The following SAMMSON variants were observed in gnomAD, a reference collection of about 807,000 sequenced individuals.
The protein encoded by SAMMSON is long intergenic non-protein coding RNA 1212.
intron 4 of SAMMSON, among the ~76,000 whole-genome samples, chr3:70,124,814 C>CAAAAAAAAAAAAAAAA (rs1208323683): frequency 1.7e-4 from 9 of 53,692 alleles, no homozygotes; most frequent in East Asian, 9.5e-4. Flanking sequence ...GACTCCATCT[C>CAAAAAAAAAAAAAAAA]AAAAAAAAAA....
chr3:70,078,364 A>G (rs1167724957), intron 4 of SAMMSON, among the ~76,000 whole-genome samples: 1 of 152,144 alleles, frequency 6.6e-6, no homozygotes, highest in Non-Finnish European at 1.5e-5. Context: ...AGGTGCATGC[A>G]GGTGCCGTTT....
chr3:70,256,296 G>C (rs745942928), intron 6 of SAMMSON, among the ~76,000 whole-genome samples: 1 of 152,188 alleles, frequency 6.6e-6, no homozygotes, highest in East Asian at 1.9e-4. Context: ...GTCAGACAGA[G>C]AGAAATGTAC....
At chr3:70,179,542 A>G (rs186576663) in intron 4 of SAMMSON, among the ~76,000 whole-genome samples, 8 of 152,274 alleles carry the variant, frequency 5.3e-5, no homozygotes, top group Admixed American at 3.9e-4. Context: ...CCCCTAATAG[A>G]GTTCAAGATC....
chr3:70,383,307 G>T (rs1465362076), intron 9 of SAMMSON, among the ~76,000 whole-genome samples: 1 of 149,668 alleles, frequency 6.7e-6, no homozygotes. Flanking sequence ...GGTTAAAAGT[G>T]TAGGTATATT....
intron 7 of SAMMSON, among the ~76,000 whole-genome samples, chr3:70,352,122 A>C (rs1292417719): frequency 6.6e-6 from 1 of 152,044 alleles, no homozygotes; most frequent in Non-Finnish European, 1.5e-5. Flanking sequence ...AAAAAAAAAA[A>C]AAAATGATGA....
intron 4 of SAMMSON, among the ~76,000 whole-genome samples, chr3:70,196,018 T>C (rs1303151035): frequency 1.3e-5 from 2 of 152,196 alleles, no homozygotes; most frequent in African/African-American, 4.8e-5. Flanking sequence ...GCTGAATAAG[T>C]ACCCTCAACG....
At chr3:70,402,033 G>A (rs1399784890) in intron 2 of SAMMSON, among the ~76,000 whole-genome samples, 1 of 152,130 alleles carries the variant, frequency 6.6e-6, no homozygotes, top group African/African-American at 2.4e-5. Context: ...TTAAAAGTGT[G>A]ACCCTGTATG....
chr3:70,085,452 A>G (rs1017408265), intron 4 of SAMMSON, among the ~76,000 whole-genome samples: 4 of 152,138 alleles, frequency 2.6e-5, no homozygotes, highest in African/African-American at 7.2e-5. Flanking sequence ...GTAAGTTTTA[A>G]GACACCCTTC....
At chr3:70,037,272 CAA>C (rs2067088764) in intron 3 of SAMMSON, among the ~76,000 whole-genome samples, 1 of 151,960 alleles carries the variant, frequency 6.6e-6, no homozygotes, top group Non-Finnish European at 1.5e-5. Context: ...CCTCTGGCTT[CAA>C]CAATTAGCCT....
chr3:70,094,059 C>G (rs931577673), intron 4 of SAMMSON, among the ~76,000 whole-genome samples: 1 of 152,178 alleles, frequency 6.6e-6, no homozygotes, highest in Non-Finnish European at 1.5e-5. Context: ...AAAACGGGAA[C>G]CATCAGCCTG....
intron 3 of SAMMSON, among the ~76,000 whole-genome samples, chr3:70,046,548 T>C (rs1039942425): frequency 2.0e-5 from 3 of 152,156 alleles, no homozygotes; most frequent in African/African-American, 7.2e-5. Flanking sequence ...TACAAATTAA[T>C]ACTTACCTTG....
intron 7 of SAMMSON, among the ~76,000 whole-genome samples, chr3:70,328,345 A>ATT (rs1416275792): frequency 6.6e-6 from 1 of 152,178 alleles, no homozygotes; most frequent in African/African-American, 2.4e-5. Flanking sequence ...AAAATCAATC[A>ATT]TTAGAAATAT....
chr3:70,331,446 G>C (rs909554697), intron 7 of SAMMSON, among the ~76,000 whole-genome samples: 2 of 152,066 alleles, frequency 1.3e-5, no homozygotes, highest in African/African-American at 4.8e-5. Flanking sequence ...TCAGACCCTG[G>C]ATTTTCCACC....
At chr3:70,294,625 A>G (rs1382309621) in intron 7 of SAMMSON, among the ~76,000 whole-genome samples, 1 of 152,172 alleles carries the variant, frequency 6.6e-6, no homozygotes, top group Non-Finnish European at 1.5e-5. Context: ...GCTGCAAATA[A>G]CAGAAAACGT....
chr3:70,169,565 G>A (rs539755784), intron 4 of SAMMSON, among the ~76,000 whole-genome samples: 10 of 151,958 alleles, frequency 6.6e-5, no homozygotes, highest in Admixed American at 1.3e-4. Flanking sequence ...GCTTCATGGC[G>A]AAGGTTCCTT....
chr3:70,023,963 T>C (rs2067026746), intron 3 of SAMMSON, among the ~76,000 whole-genome samples: 1 of 152,184 alleles, frequency 6.6e-6, no homozygotes, highest in African/African-American at 2.4e-5. Context: ...CTTCTGCCTG[T>C]CTCCAGCTGA....
chr3:70,187,530 C>T (rs1701100278), intron 4 of SAMMSON, among the ~76,000 whole-genome samples: 1 of 149,282 alleles, frequency 6.7e-6, no homozygotes, highest in Non-Finnish European at 1.5e-5. Flanking sequence ...CTCCGCCTCC[C>T]GGGTTCACGC....
chr3:70,243,736 T>C (rs976098682), intron 4 of SAMMSON, among the ~76,000 whole-genome samples: 1 of 152,106 alleles, frequency 6.6e-6, no homozygotes, highest in Non-Finnish European at 1.5e-5. Context: ...TGGGCATCAC[T>C]GATCTAAAGC....
intron 4 of SAMMSON, among the ~76,000 whole-genome samples, chr3:70,113,055 A>G (rs1348560672): frequency 3.9e-5 from 6 of 152,212 alleles, no homozygotes; most frequent in African/African-American, 1.2e-4. Context: ...CTGCTGATCC[A>G]TGTTTGCCAC....
Sources: allele counts gnomAD v4.1 joint callset (sites outside exome capture counted in the v4.1 genomes callset), GRCh38; gene constraint gnomAD v4.1.1; transcripts MANE v1.5; gene names NCBI Gene and HGNC (gene_info 2026-07-23, HGNC 2026-07-21).